CCR3: variants seen among roughly 807,000 people sequenced by gnomAD.
CCR3 encodes C-C chemokine receptor type 3.
For missense variants in CCR3, 419 were observed against 437.5 expected, an observed-to-expected ratio of 0.96 and a Z score of 0.38; for synonymous variants, 203 against 179.2, an observed-to-expected ratio of 1.13 and a Z score of -1.06.
intron 1 of CCR3, among the ~76,000 whole-genome samples, chr3:46,263,194 T>A (rs576370931): frequency 6.6e-6 from 1 of 152,378 alleles, no homozygotes; most frequent in South Asian, 2.1e-4. Context: ...GTAATTTTTT[T>A]AAAGTTTGAC....
chr3:46,219,837 T>G (rs1166403975), intron 2 of CCR3, among the ~76,000 whole-genome samples: 1 of 152,044 alleles, frequency 6.6e-6, no homozygotes. Flanking sequence ...ACAAAAATCA[T>G]CTCAAGATGG....
chr3:46,251,282 C>T (rs1183566835), intron 1 of CCR3, among the ~76,000 whole-genome samples: 6 of 152,064 alleles, frequency 3.9e-5, no homozygotes, highest in Admixed American at 2.0e-4. Flanking sequence ...CAGTCTGTGA[C>T]CGGCGCCGGA....
Position 46,265,452 on chromosome 3 carries a change from C to T in CCR3, c.294C>T (p.Asn98=). 6.2e-7 allele frequency: 1 copy of T among 1,614,204 alleles called. No homozygotes were observed. Among genetic ancestry groups the T allele is most frequent in the Non-Finnish European group, 8.5e-7 (1 of 1,180,036 alleles). ...GGATCCACTATGTCAGGGGGCATAACTGGGTTTTTGGCCATGGCATGTGTA... is the reference window on the plus strand; with the variant it reads ...GGATCCACTATGTCAGGGGGCATAATTGGGTTTTTGGCCATGGCATGTGTA... ...PFWIHYVRGH[N]WVFGHGMCKL... The change falls in exon 2 of 2, where the codon AAC becomes AAT. Residue 98 remains asparagine (N), a synonymous_variant. Coordinates refer to ENST00000395940, the MANE Select transcript of CCR3 (RefSeq NM_178329.3).
intron 1 of CCR3, among the ~76,000 whole-genome samples, chr3:46,244,314 T>C (rs1161187008): frequency 6.6e-6 from 1 of 152,080 alleles, no homozygotes; most frequent in Admixed American, 6.6e-5. Flanking sequence ...AGGAACTAGG[T>C]GAAAGGTAAA....
chr3:46,258,931 T>C (rs1479246739), intron 1 of CCR3, among the ~76,000 whole-genome samples: 1 of 152,188 alleles, frequency 6.6e-6, no homozygotes, highest in African/African-American at 2.4e-5. Context: ...TCTGATCTCT[T>C]AGATCTCTAA....
At chr3:46,243,019 A>G (rs1700123218) in intron 1 of CCR3, among the ~76,000 whole-genome samples, 1 of 147,496 alleles carries the variant, frequency 6.8e-6, no homozygotes, top group South Asian at 2.1e-4. Flanking sequence ...ACACACATAC[A>G]TTTTTATATA....
At chr3:46,222,508 C>T (rs1156688792) in intron 2 of CCR3, among the ~76,000 whole-genome samples, 2 of 152,156 alleles carry the variant, frequency 1.3e-5, no homozygotes, top group Non-Finnish European at 2.9e-5. Flanking sequence ...GAAAAACCTC[C>T]AGAGTCCCTT....
At chr3:46,237,638 TGCATGTG>T (rs1318638102), upstream of CCR3, among the ~76,000 whole-genome samples, 1 of 152,264 alleles carries the variant, frequency 6.6e-6, no homozygotes. Context: ...AGTTTCATTC[TGCATGTG>T]GCTATTCAGT....
intron 1 of CCR3, among the ~76,000 whole-genome samples, chr3:46,246,809 T>C (rs1248180852): frequency 6.6e-6 from 1 of 151,852 alleles, no homozygotes; most frequent in East Asian, 1.9e-4. Context: ...GAGGGTGGTA[T>C]GGAGAGAGAA....
chr3:46,261,995 A>G (rs1184386210), intron 1 of CCR3, among the ~76,000 whole-genome samples: 4 of 152,098 alleles, frequency 2.6e-5, no homozygotes, highest in African/African-American at 4.8e-5. Context: ...GGTCACCCCC[A>G]CTCAGCAGAC....
At chr3:46,242,963 G>GTATATATATATATATACACATATATATA (rs1553644058) in intron 1 of CCR3, among the ~76,000 whole-genome samples, 2 of 86,298 alleles carry the variant, frequency 2.3e-5, no homozygotes, top group Non-Finnish European at 4.4e-5. Context: ...ATATATATGT[G>GTATATATATATATATACACATATATATA]TATATATATA....
chr3:46,256,982 A>G (rs1042470151), intron 1 of CCR3, among the ~76,000 whole-genome samples: 4 of 152,006 alleles, frequency 2.6e-5, no homozygotes, highest in Admixed American at 1.3e-4. Flanking sequence ...GCTTACACAC[A>G]AAGTTGTAGT....
At chr3:46,221,482 C>T (rs1049657247) in intron 2 of CCR3, among the ~76,000 whole-genome samples, 5 of 152,212 alleles carry the variant, frequency 3.3e-5, no homozygotes, top group African/African-American at 1.2e-4. Flanking sequence ...AAGATGCACC[C>T]CTCACATGCC....
chr3:46,257,062 T>A (rs1361648049), intron 1 of CCR3, among the ~76,000 whole-genome samples: 2 of 152,136 alleles, frequency 1.3e-5, no homozygotes, highest in African/African-American at 4.8e-5. Context: ...TCTCTAAATG[T>A]CTTTACACAG....
At chr3:46,251,199 A>G (rs1186926665) in intron 1 of CCR3, among the ~76,000 whole-genome samples, 1 of 152,086 alleles carries the variant, frequency 6.6e-6, no homozygotes, top group Non-Finnish European at 1.5e-5. Flanking sequence ...GTGGTCTGAC[A>G]CCCTTGAAAC....
At chr3:46,241,716 G>A (rs1470862976), upstream of CCR3, among the ~76,000 whole-genome samples, 1 of 152,114 alleles carries the variant, frequency 6.6e-6, no homozygotes, top group Non-Finnish European at 1.5e-5. Flanking sequence ...TCAAACTCAA[G>A]TCTTTTAGAC....
chr3:46,214,033 G>GA (rs961077870), intron 2 of CCR3, among the ~76,000 whole-genome samples: 2 of 152,198 alleles, frequency 1.3e-5, no homozygotes, highest in Non-Finnish European at 2.9e-5. Context: ...TATGGCCAGA[G>GA]AAAATCACAC....
At chr3:46,214,785 G>A (rs1173940536) in intron 2 of CCR3, among the ~76,000 whole-genome samples, 1 of 152,104 alleles carries the variant, frequency 6.6e-6, no homozygotes, top group Non-Finnish European at 1.5e-5. Context: ...ATGTAGGGAA[G>A]CCCCTTCCCT....
At chr3:46,250,409 C>T (rs1015520071) in intron 1 of CCR3, among the ~76,000 whole-genome samples, 2 of 151,956 alleles carry the variant, frequency 1.3e-5, no homozygotes, top group Non-Finnish European at 2.9e-5. Context: ...GGGGTTGGGA[C>T]TGAGGGGACA....
Sources: gnomAD v4.1 joint callset for allele counts (sites outside exome capture counted in the v4.1 genomes callset) on GRCh38, gnomAD v4.1.1 for gene constraint, MANE v1.5 for transcripts, NCBI Gene and HGNC (gene_info 2026-07-23, HGNC 2026-07-21) for gene names.